The following HOOK3 variants were observed in gnomAD, a reference collection of about 807,000 sequenced individuals.
The protein encoded by HOOK3 is protein Hook homolog 3.
HOOK3 carries 24 observed loss-of-function variants against 116.3 expected under a neutral mutation model. The ratio of observed to expected loss-of-function variants is 0.21; its 90% CI spans 0.15 to 0.29. The LOEUF is 0.29. HOOK3 is among the 10% of genes least tolerant of loss of function. The pLI, the probability that HOOK3 is intolerant of heterozygous loss-of-function variation, is 1.00. For synonymous variants in HOOK3, 275 were observed against 283.0 expected (o/e 0.97, Z 0.28); for missense variants, 632 against 830.2 (o/e 0.76, Z 2.93).
At chr8:43,007,016 A>ATTTTTTTTTTTTTTTTTTT (rs58609523) in intron 17 of HOOK3, among the ~76,000 whole-genome samples, 1 of 103,278 alleles carries the variant, frequency 9.7e-6, no homozygotes, top group Non-Finnish European at 1.9e-5. Flanking sequence ...AAGTTCCTAG[A>ATTTTTTTTTTTTTTTTTTT]TTTTTTTTTT....
intron 13 of HOOK3, among the ~76,000 whole-genome samples, chr8:42,981,053 ATTT>A (rs35139387): frequency 1.4e-5 from 2 of 139,554 alleles, no homozygotes; most frequent in African/African-American, 2.6e-5. Context: ...GTAAATAATA[ATTT>A]TTTTTTTTTT....
At chr8:42,936,580 T>C (rs1485499004) in intron 4 of HOOK3, among the ~76,000 whole-genome samples, 4 of 152,214 alleles carry the variant, frequency 2.6e-5, no homozygotes, top group Non-Finnish European at 4.4e-5. Flanking sequence ...ACCTAGTTTA[T>C]TGAGAGTTTT....
intron 13 of HOOK3, among the ~76,000 whole-genome samples, chr8:42,977,340 T>G (rs1586618279): frequency 6.6e-6 from 1 of 152,294 alleles, no homozygotes; most frequent in East Asian, 1.9e-4. Flanking sequence ...GGACTCCCTG[T>G]CTTGCAAATA....
chr8:43,013,173 A>T lies in HOOK3; in HGVS notation c.1944+18A>T. The T allele has an allele frequency of 6.6e-7, 1 of 1,524,288 alleles. No individual in the cohort carries two copies. The highest frequency in any genetic ancestry group is 9.0e-7 in the Non-Finnish European group (1 of 1,116,098). 94.4% of individuals were successfully genotyped at this position (1,524,288 alleles called of 1,614,324 possible). A position where few individuals can be genotyped will look rare whatever the true frequency, so the allele number is the denominator to read the frequency against. The stretch of plus-strand genomic sequence containing the variant: ...CATTAGAGGTAGTTTACTATACTGT[A>T]CAATAAAATAATTGTGTTTTGATTT... On this transcript the variant is annotated intron_variant, in intron 20 of 21. Coordinates refer to ENST00000307602, the MANE Select transcript of HOOK3 (RefSeq NM_032410.4).
chr8:42,986,924 A>G (rs1809058981), intron 15 of HOOK3, 129 bp downstream of exon 15: 1 of 912,058 alleles, frequency 1.1e-6, no homozygotes, highest in Non-Finnish European at 1.7e-6. Flanking sequence ...TGGGAGGCCC[A>G]GGAGGGCAGA....
intron 7 of HOOK3, among the ~76,000 whole-genome samples, chr8:42,958,626 T>C (rs1222604636): frequency 6.7e-6 from 1 of 148,170 alleles, no homozygotes; most frequent in Admixed American, 6.8e-5. Flanking sequence ...TTTTAAGTTC[T>C]GAGATACCTG....
intron 4 of HOOK3, among the ~76,000 whole-genome samples, chr8:42,940,946 A>G (rs1808104237): frequency 6.6e-6 from 1 of 151,698 alleles, no homozygotes; most frequent in African/African-American, 2.4e-5. Flanking sequence ...TTATTTATTT[A>G]CTTACTTATT....
chr8:42,945,905 A>G (rs1463825760), intron 5 of HOOK3, among the ~76,000 whole-genome samples: 2 of 152,146 alleles, frequency 1.3e-5, no homozygotes, highest in Non-Finnish European at 2.9e-5. Context: ...CAGCTTTGAT[A>G]TATAGATAAT....
In HOOK3 at chr8:42,978,513, C is replaced by A. The variant is rs140484589; in HGVS notation, c.1322-4114C>A. ...GTAACCTCCGCCTCTCGGTTTCAAG[C>A]GATTCTCCTGCCTTAGCCTCCTGAG... On this transcript the variant is annotated intron_variant, in intron 13 of 21. Transcript: ENST00000307602. 2.6e-5 allele frequency among the ~76,000 whole-genome samples: 4 copies of A among 151,684 alleles called. No individual in the cohort carries two copies. In the East Asian group the frequency reaches 5.8e-4, roughly 22 times the overall value.
intron 17 of HOOK3, among the ~76,000 whole-genome samples, chr8:43,006,542 C>T (rs867609688): frequency 8.5e-5 from 13 of 152,078 alleles, no homozygotes; most frequent in African/African-American, 3.1e-4. Flanking sequence ...AGGCTGGTCT[C>T]GAACTCCTGA....
At chr8:42,934,876 C>T (rs148618096) in intron 4 of HOOK3, among the ~76,000 whole-genome samples, 1 of 152,044 alleles carries the variant, frequency 6.6e-6, no homozygotes, top group African/African-American at 2.4e-5. Context: ...CTTTATAGTA[C>T]ATTGATTTAT....
intron 15 of HOOK3, among the ~76,000 whole-genome samples, chr8:42,987,529 C>T (rs894372127): frequency 6.6e-6 from 1 of 152,136 alleles, no homozygotes; most frequent in Non-Finnish European, 1.5e-5. Context: ...GCAGTAGCTC[C>T]CTCGTAATTG....
intron 3 of HOOK3, among the ~76,000 whole-genome samples, chr8:42,926,004 G>T (rs986682363): frequency 6.6e-6 from 1 of 152,164 alleles, no homozygotes; most frequent in Non-Finnish European, 1.5e-5. Flanking sequence ...AATAGTGCAC[G>T]TGGTAGTTAT....
intron 2 of HOOK3, among the ~76,000 whole-genome samples, chr8:42,907,598 T>G (rs555089457): frequency 2.0e-5 from 3 of 152,258 alleles, no homozygotes; most frequent in African/African-American, 7.2e-5. Context: ...TAATAAAAAT[T>G]GTTTGAGACT....
At chr8:43,006,780 T>C (rs1250678038) in intron 17 of HOOK3, among the ~76,000 whole-genome samples, 1 of 152,182 alleles carries the variant, frequency 6.6e-6, no homozygotes, top group Non-Finnish European at 1.5e-5. Context: ...TAAAGCATCA[T>C]GCATAGAAAA....
chr8:43,016,412 G>A (rs967127778), intron 21 of HOOK3, among the ~76,000 whole-genome samples: 8 of 152,062 alleles, frequency 5.3e-5, no homozygotes, highest in East Asian at 1.9e-4. Flanking sequence ...GAGCCACCGC[G>A]CCCGGCCAGA....
Position 42,926,280 on chromosome 8 carries a change from C to T in HOOK3, c.216+651C>T, listed in dbSNP as rs540452708. Among the ~76,000 whole-genome samples, 208 of 151,830 alleles carry T rather than the reference C, an allele frequency of 1.4e-3. No individual in the cohort carries two copies. In the South Asian group the frequency reaches 0.02, roughly 15 times the overall value. On this transcript the variant is annotated intron_variant, in intron 3 of 21. Coordinates refer to ENST00000307602, the MANE Select transcript of HOOK3 (RefSeq NM_032410.4). ...GTAATCCACCAAATTATTTTTTTAACTTTATGTTTTGTTTTTTGTTTTTTG... is the reference window on the plus strand; with the variant it reads ...GTAATCCACCAAATTATTTTTTTAATTTTATGTTTTGTTTTTTGTTTTTTG...
intron 4 of HOOK3, among the ~76,000 whole-genome samples, chr8:42,939,094 GAA>G (rs1314552077): frequency 2.0e-5 from 3 of 152,158 alleles, no homozygotes; most frequent in Admixed American, 2.0e-4. Context: ...AGAACAAAAT[GAA>G]AAGTCTCCCA....
intron 10 of HOOK3, 26 bp downstream of exon 10, chr8:42,966,639 GCA>G (rs1228906303): frequency 2.5e-6 from 4 of 1,608,686 alleles, no homozygotes; most frequent in Non-Finnish European, 3.4e-6. Flanking sequence ...TCACCGCCCA[GCA>G]CAGTTTGGCT....
Sources: allele counts gnomAD v4.1 joint callset (sites outside exome capture counted in the v4.1 genomes callset), GRCh38; gene constraint gnomAD v4.1.1; transcripts MANE v1.5; gene names NCBI Gene and HGNC (gene_info 2026-07-23, HGNC 2026-07-21).